ZFAND3: variants seen among roughly 807,000 people sequenced by gnomAD.
ZFAND3 encodes zinc finger AN1-type containing 3.
ZFAND3 carries 10 observed loss-of-function variants against 29.6 expected under a neutral mutation model. The ratio of observed to expected loss-of-function variants is 0.34; its 90% CI spans 0.21 to 0.57. The LOEUF is 0.57. Ranked by LOEUF, ZFAND3 falls within the 20% of genes least tolerant of loss-of-function variation. The pLI, the probability that ZFAND3 is intolerant of heterozygous loss-of-function variation, is 0.86. For synonymous variants in ZFAND3, 128 were observed against 112.6 expected, an observed-to-expected ratio of 1.14 and a Z score of -0.87; for missense variants, 230 against 304.5, an observed-to-expected ratio of 0.76 and a Z score of 1.82.
Position 37,909,720 on chromosome 6 carries a change from A to T in ZFAND3, c.72-20239A>T, listed in dbSNP as rs533163652. Among the ~76,000 whole-genome samples, 35 of 144,610 alleles carry T rather than the reference A, an allele frequency of 2.4e-4. No individual in the cohort carries two copies. In the East Asian group the frequency reaches 6.9e-3, roughly 28 times the overall value. 94.9% of individuals were successfully genotyped at this position (144,610 alleles called of 152,430 possible). On this transcript the variant is annotated intron_variant, in intron 1 of 5. Coordinates refer to ENST00000287218, the MANE Select transcript of ZFAND3 (RefSeq NM_021943.3). Reference sequence around the variant, plus strand: ...AATTGCTTATACTATAGTTGTGCTGATTAATCATGGGTAGAATCTCAAAAT... The same window carrying T: ...AATTGCTTATACTATAGTTGTGCTGTTTAATCATGGGTAGAATCTCAAAAT...
At chr6:37,998,967 G>T (rs1762898684) in intron 2 of ZFAND3, among the ~76,000 whole-genome samples, 1 of 152,168 alleles carries the variant, frequency 6.6e-6, no homozygotes, top group Non-Finnish European at 1.5e-5. Context: ...GCAGCAAACA[G>T]TGATTATATG....
intron 5 of ZFAND3, among the ~76,000 whole-genome samples, chr6:38,128,608 T>C (rs1765681993): frequency 6.6e-6 from 1 of 152,232 alleles, no homozygotes. Context: ...CCTGAGTTAC[T>C]TCACTTAGAA....
chr6:37,929,852 G>T, intron 1 of ZFAND3, 107 bp from the exon 2 acceptor site: 1 of 1,044,926 alleles, frequency 9.6e-7, no homozygotes, highest in South Asian at 2.1e-5. Flanking sequence ...TAGTTCAGTT[G>T]CCTGACCAGA....
At chr6:38,040,817 C>T (rs1763745328) in intron 2 of ZFAND3, among the ~76,000 whole-genome samples, 1 of 152,196 alleles carries the variant, frequency 6.6e-6, no homozygotes, top group South Asian at 2.1e-4. Context: ...AGGACATTCT[C>T]TTAATTTAAC....
chr6:38,080,777 G>C (rs1764646434), intron 3 of ZFAND3, among the ~76,000 whole-genome samples: 1 of 152,106 alleles, frequency 6.6e-6, no homozygotes, highest in African/African-American at 2.4e-5. Flanking sequence ...AGTCCAGGAG[G>C]GTTTTTGAGG....
At position 37,932,123 on chromosome 6, in the gene ZFAND3, G is replaced by C. The variant is rs540149793; in HGVS notation, c.112+2124G>C. Among the ~76,000 whole-genome samples, 3 of 152,222 alleles carry C rather than the reference G, an allele frequency of 2.0e-5. No individual in the cohort carries two copies. The East Asian group carries it at 5.8e-4, about 29-fold the overall frequency. ...GTCTCTACTAAAAACACAAAAATTA[G>C]CTGGGTGTGGTGGCCCGTGCCTGTA... On this transcript the variant is annotated intron_variant, in intron 2 of 5. Transcript: ENST00000287218.
intron 2 of ZFAND3, among the ~76,000 whole-genome samples, chr6:38,019,816 G>T (rs923035390): frequency 3.3e-5 from 5 of 152,104 alleles, no homozygotes; most frequent in African/African-American, 9.7e-5. Flanking sequence ...CTGCCTCCTG[G>T]GTTCAAGTCA....
At chr6:37,936,156 C>T (rs1761693873) in intron 2 of ZFAND3, among the ~76,000 whole-genome samples, 1 of 152,088 alleles carries the variant, frequency 6.6e-6, no homozygotes, top group Non-Finnish European at 1.5e-5. Flanking sequence ...TTGCTGACCT[C>T]CTAAATAGAA....
intron 2 of ZFAND3, chr6:38,003,921 C>A: frequency 3.2e-6 from 1 of 310,588 alleles, no homozygotes; most frequent in South Asian, 2.4e-5. Flanking sequence ...CACCTTCTGT[C>A]GTCCGAATGA....
intron 2 of ZFAND3, among the ~76,000 whole-genome samples, chr6:37,974,463 A>G (rs1231215504): frequency 7.1e-6 from 1 of 139,874 alleles, no homozygotes; most frequent in Admixed American, 7.6e-5. Flanking sequence ...GGAGGGCAGT[A>G]GCGTGATCAC....
intron 2 of ZFAND3, among the ~76,000 whole-genome samples, chr6:37,974,658 A>G (rs1300883267): frequency 6.6e-6 from 1 of 152,164 alleles, no homozygotes; most frequent in East Asian, 1.9e-4. Flanking sequence ...GGTCTCCCAA[A>G]GTGCTGGAAT....
At chr6:38,035,355 C>A (rs1160973109) in intron 2 of ZFAND3, among the ~76,000 whole-genome samples, 2 of 152,070 alleles carry the variant, frequency 1.3e-5, no homozygotes, top group Non-Finnish European at 2.9e-5. Flanking sequence ...CAAAGGGTTC[C>A]CTCCTTATGC....
rs530455311 is a variant in ZFAND3 at position 37,875,624 on chromosome 6, T to TG, written c.72-54335_72-54334insG. Among the ~76,000 whole-genome samples, 244 of 147,710 alleles carry TG rather than the reference T, an allele frequency of 1.7e-3. 1 individual carries two copies. The highest frequency in any genetic ancestry group is 0.014 in the Middle Eastern group (4 of 290). ...TATTAGTTCTTGTTTATGTAATAGT[T>TG]AATTTCTGTATTTTTTTTTTTTTTT... On this transcript the variant is annotated intron_variant, in intron 1 of 5. Coordinates refer to ENST00000287218, the MANE Select transcript of ZFAND3 (RefSeq NM_021943.3).
chr6:37,968,417 G>GA (rs1762328409), intron 2 of ZFAND3, among the ~76,000 whole-genome samples: 2 of 151,438 alleles, frequency 1.3e-5, no homozygotes, highest in African/African-American at 4.9e-5. Context: ...CTCCTTGGAA[G>GA]GGTGAAAAAC....
chr6:38,056,158 A>G (rs1764130781), intron 2 of ZFAND3, among the ~76,000 whole-genome samples: 1 of 152,206 alleles, frequency 6.6e-6, no homozygotes, highest in Non-Finnish European at 1.5e-5. Context: ...TGTTTATAAT[A>G]GTGAAAAGTT....
intron 4 of ZFAND3, among the ~76,000 whole-genome samples, chr6:38,095,851 G>A (rs1355259095): frequency 6.6e-6 from 1 of 152,060 alleles, no homozygotes; most frequent in Non-Finnish European, 1.5e-5. Context: ...GGGCAACATG[G>A]TGAGGCTTTG....
chr6:37,994,851 C>G (rs527578598), intron 2 of ZFAND3, among the ~76,000 whole-genome samples: 6 of 152,102 alleles, frequency 3.9e-5, no homozygotes, highest in African/African-American at 1.4e-4. Flanking sequence ...GGCTAGATAT[C>G]AGGCAGGTCC....
chr6:37,875,482 T>G (rs75719001), intron 1 of ZFAND3, among the ~76,000 whole-genome samples: 1 of 152,208 alleles, frequency 6.6e-6, no homozygotes, highest in African/African-American at 2.4e-5. Flanking sequence ...TTTTTTTTTT[T>G]GGCCTGCTCT....
chr6:38,058,555 C>T (rs1268112352), intron 2 of ZFAND3, among the ~76,000 whole-genome samples: 1 of 152,148 alleles, frequency 6.6e-6, no homozygotes, highest in African/African-American at 2.4e-5. Context: ...GGCTTTAGAG[C>T]ACTGATCACC....
Sources: gnomAD v4.1 joint callset for allele counts (sites outside exome capture counted in the v4.1 genomes callset) on GRCh38, gnomAD v4.1.1 for gene constraint, MANE v1.5 for transcripts, NCBI Gene and HGNC (gene_info 2026-07-23, HGNC 2026-07-21) for gene names.